Variants in PPFIA2 observed in about 807,000 individuals in gnomAD.
PPFIA2 encodes liprin-alpha-2.
Under a neutral mutation model 175.5 loss-of-function variants are expected in PPFIA2, and 46 were observed. The ratio of observed to expected loss-of-function variants is 0.26; its 90% CI spans 0.21 to 0.34. The LOEUF (loss-of-function observed/expected upper bound fraction) is 0.34. Among genes scored for constraint, PPFIA2 ranks in the 10% least tolerant of loss-of-function variants. The pLI is 1.00. For synonymous variants in PPFIA2, 568 were observed against 511.4 expected (o/e 1.11, Z -1.49); for missense variants, 1,179 against 1,506.1 (o/e 0.78, Z 3.60).
intron 4 of PPFIA2, among the ~76,000 whole-genome samples, chr12:81,560,682 A>T (rs986840279): frequency 6.6e-6 from 1 of 152,168 alleles, no homozygotes; most frequent in Non-Finnish European, 1.5e-5. Flanking sequence ...GCCTTTCAAC[A>T]TCATGTAACC....
intron 4 of PPFIA2, among the ~76,000 whole-genome samples, chr12:81,503,179 G>A (rs889117084): frequency 2.5e-4 from 38 of 152,122 alleles, no homozygotes; most frequent in Admixed American, 2.0e-3. Flanking sequence ...GAGTTCCTCC[G>A]ATGAGGACTG....
chr12:81,610,963 GTT>G (rs1168485294), intron 4 of PPFIA2, among the ~76,000 whole-genome samples: 1 of 152,152 alleles, frequency 6.6e-6, no homozygotes, highest in Admixed American at 6.6e-5. Flanking sequence ...TCTTGGGCTT[GTT>G]TTCACAGGTG....
chr12:81,264,846 A>G (rs117598825), intron 30 of PPFIA2, among the ~76,000 whole-genome samples: 2,095 of 152,320 alleles, frequency 0.014, 19 homozygotes, highest in Non-Finnish European at 0.021. Context: ...AATGTAGAAA[A>G]GAAACAGAAT....
intron 22 of PPFIA2, among the ~76,000 whole-genome samples, chr12:81,321,847 G>A (rs1474592398): frequency 6.6e-6 from 1 of 152,094 alleles, no homozygotes; most frequent in Non-Finnish European, 1.5e-5. Flanking sequence ...TGGGGGGCAG[G>A]CCCATGTAGG....
At chr12:81,543,409 CA>C (rs1185103632) in intron 4 of PPFIA2, among the ~76,000 whole-genome samples, 21 of 151,442 alleles carry the variant, frequency 1.4e-4, no homozygotes, top group Admixed American at 1.4e-3. Flanking sequence ...TTTTGAGCAA[CA>C]AAAAAGGCAG....
intron 4 of PPFIA2, among the ~76,000 whole-genome samples, chr12:81,575,868 T>A (rs1177761037): frequency 6.6e-6 from 1 of 151,776 alleles, no homozygotes; most frequent in Non-Finnish European, 1.5e-5. Context: ...GCACAGAAGC[T>A]GCAAGTTGAC....
At chr12:81,637,261 TTTTTTTTTTTTTTTTTTTTTTTA>T (rs2064217322) in intron 4 of PPFIA2, among the ~76,000 whole-genome samples, 7 of 70,298 alleles carry the variant, frequency 1.0e-4, no homozygotes, top group Non-Finnish European at 1.7e-4. Context: ...TTTTTTTTTT[TTTTTTTTTTTTTTTTTTTTTTTA>T]GTAGAGATGG....
At chr12:81,267,044 C>G in intron 29 of PPFIA2, 24 bp from the exon 30 acceptor site, 1 of 1,534,248 alleles carries the variant, frequency 6.5e-7, no homozygotes, top group Non-Finnish European at 9.0e-7. Context: ...ATTACAGTTA[C>G]CATCACCGAA....
rs542082636 is a variant in PPFIA2, at chr12:81,663,150, G to A, written c.303+13641C>T. On this transcript the variant is annotated intron_variant, in intron 4 of 32. Coordinates refer to ENST00000549396, the MANE Select transcript of PPFIA2 (RefSeq NM_003625.5). ...GCACAAGACAGGGAGTCCCTCTCTCGCCACTCCTATTCAACACAGTGTGGG... is the reference window on the plus strand; with the variant it reads ...GCACAAGACAGGGAGTCCCTCTCTCACCACTCCTATTCAACACAGTGTGGG... Among the ~76,000 whole-genome samples, 640 of 152,204 alleles carry A rather than the reference G, an allele frequency of 4.2e-3. 3 individuals carry two copies. Among genetic ancestry groups the A allele is most frequent in the African/African-American group, 0.014 (601 of 41,520 alleles).
At chr12:81,344,855 C>T (rs554933166) in intron 18 of PPFIA2, 162 bp from the exon 19 acceptor site, 6 of 521,350 alleles carry the variant, frequency 1.2e-5, no homozygotes, top group South Asian at 8.7e-5. Flanking sequence ...AAAAGCACTC[C>T]GCCTGGTAGT....
chr12:81,734,161 G>C (rs1314262380), intron 3 of PPFIA2, among the ~76,000 whole-genome samples: 2 of 151,754 alleles, frequency 1.3e-5, no homozygotes, highest in Non-Finnish European at 2.9e-5. Context: ...GAAAGTGATA[G>C]GTGCTGTGGA....
intron 4 of PPFIA2, among the ~76,000 whole-genome samples, chr12:81,588,028 T>C (rs1338471715): frequency 6.6e-6 from 1 of 151,980 alleles, no homozygotes; most frequent in Non-Finnish European, 1.5e-5. Context: ...TTATATGCTC[T>C]CTAGGAATTC....
At chr12:81,568,490 C>T (rs1385347303) in intron 4 of PPFIA2, among the ~76,000 whole-genome samples, 2 of 152,128 alleles carry the variant, frequency 1.3e-5, no homozygotes, top group African/African-American at 2.4e-5. Flanking sequence ...AATGGGTGGC[C>T]GGCCCTCCAC....
chr12:81,351,671 G>A (rs2060023210), intron 17 of PPFIA2, among the ~76,000 whole-genome samples: 1 of 150,964 alleles, frequency 6.6e-6, no homozygotes, highest in South Asian at 2.1e-4. Context: ...GCCAAGGCAG[G>A]AGGATCATTA....
chr12:81,497,849 T>A lies in PPFIA2; in HGVS notation c.304-39983A>T, dbSNP rs554431209. On this transcript the variant is annotated intron_variant, in intron 4 of 32. Coordinates refer to ENST00000549396, the MANE Select transcript of PPFIA2 (RefSeq NM_003625.5). ...CCACCACACCTGACCCTCATAGTTG[T>A]CTTTTTTGATGTTCTGAAATATAAC... 3.8e-3 allele frequency among the ~76,000 whole-genome samples: 573 copies of A among 152,252 alleles called. 3 individuals are homozygous for A. The highest frequency in any genetic ancestry group is 0.013 in the African/African-American group (536 of 41,548).
At chr12:81,425,397 T>G (rs949853014) in intron 7 of PPFIA2, among the ~76,000 whole-genome samples, 1 of 152,236 alleles carries the variant, frequency 6.6e-6, no homozygotes, top group Non-Finnish European at 1.5e-5. Flanking sequence ...CAGGATGGAA[T>G]GCAGTGGCGC....
chr12:81,264,506 T>C (rs548133185), intron 30 of PPFIA2, among the ~76,000 whole-genome samples: 51 of 152,250 alleles, frequency 3.3e-4, no homozygotes, highest in African/African-American at 1.2e-3. Flanking sequence ...CAAGTATATG[T>C]TGTGTATCCT....
At chr12:81,381,858 T>C (rs1157182207) in intron 9 of PPFIA2, among the ~76,000 whole-genome samples, 1 of 152,158 alleles carries the variant, frequency 6.6e-6, no homozygotes, top group Non-Finnish European at 1.5e-5. Context: ...TCTGATATCA[T>C]TCACACCTTC....
intron 4 of PPFIA2, among the ~76,000 whole-genome samples, chr12:81,622,577 C>G (rs1345291083): frequency 6.6e-6 from 1 of 152,056 alleles, no homozygotes; most frequent in Non-Finnish European, 1.5e-5. Flanking sequence ...CTGGAGCTAT[C>G]CTTGAAGCAT....
Sources: gnomAD v4.1 joint callset for allele counts (sites outside exome capture counted in the v4.1 genomes callset) on GRCh38, gnomAD v4.1.1 for gene constraint, MANE v1.5 for transcripts, NCBI Gene and HGNC (gene_info 2026-07-23, HGNC 2026-07-21) for gene names.